Variants in UBR3 observed in about 807,000 individuals in gnomAD.
UBR3 encodes E3 ubiquitin-protein ligase UBR3.
UBR3 carries 85 observed loss-of-function variants against 243.2 expected under a neutral mutation model. The observed-to-expected ratio is 0.35, with a 90% CI of 0.29 to 0.42. The LOEUF is 0.42. Among genes scored for constraint, UBR3 ranks in the 10% least tolerant of loss-of-function variants. The pLI is 1.00. For missense variants in UBR3, 1,686 were observed against 2,300.8 expected, an observed-to-expected ratio of 0.73 and a Z score of 5.47; for synonymous variants, 748 against 799.8, an observed-to-expected ratio of 0.94 and a Z score of 1.09.
intron 1 of UBR3, among the ~76,000 whole-genome samples, chr2:169,871,430 A>C (rs75214884): frequency 5.3e-5 from 8 of 151,532 alleles, no homozygotes; most frequent in Non-Finnish European, 7.4e-5. Flanking sequence ...AAAAAAAAAA[A>C]CAGTTAACTT....
intron 1 of UBR3, among the ~76,000 whole-genome samples, chr2:169,836,039 C>A (rs1443709653): frequency 0.04 from 391 of 9,832 alleles, 8 homozygotes; most frequent in Middle Eastern, 0.071. Context: ...CTCTCTCTCT[C>A]TCTCTATATA....
chr2:169,843,310 C>T (rs1460583717), intron 1 of UBR3, among the ~76,000 whole-genome samples: 2 of 152,192 alleles, frequency 1.3e-5, no homozygotes, highest in Non-Finnish European at 2.9e-5. Flanking sequence ...TGGTGAGGGC[C>T]TTCTGCTGCA....
At chr2:169,943,218 A>G (rs569803105) in intron 20 of UBR3, among the ~76,000 whole-genome samples, 2 of 152,330 alleles carry the variant, frequency 1.3e-5, no homozygotes, top group African/African-American at 4.8e-5. Context: ...GACTAACATT[A>G]ATTGTGTACT....
chr2:169,986,292 A>G (rs2061619), intron 24 of UBR3, among the ~76,000 whole-genome samples: 66,756 of 152,052 alleles, frequency 0.44, 15,797 homozygotes, highest in Non-Finnish European at 0.54. Context: ...CTCAAGGAAA[A>G]TTAAAACAAA....
intron 36 of UBR3, 110 bp from the exon 37 acceptor site, chr2:170,079,704 C>A: frequency 1.0e-6 from 1 of 954,134 alleles, no homozygotes. Context: ...AGAAAATAAG[C>A]CACATTCTTG....
chr2:170,015,134 T>C (rs1354316839), intron 29 of UBR3, 147 bp from the exon 30 acceptor site: 9 of 559,602 alleles, frequency 1.6e-5, no homozygotes, highest in South Asian at 2.7e-5. Context: ...CAGATAAATA[T>C]GATTATTACT....
intron 2 of UBR3, among the ~76,000 whole-genome samples, chr2:169,873,888 T>G (rs1243074610): frequency 1.3e-5 from 2 of 152,266 alleles, no homozygotes; most frequent in East Asian, 3.9e-4. Flanking sequence ...ATTTTAGAAA[T>G]AGAAATTATT....
intron 25 of UBR3, among the ~76,000 whole-genome samples, chr2:169,990,497 A>G (rs1332854424): frequency 6.6e-6 from 1 of 152,156 alleles, no homozygotes; most frequent in Non-Finnish European, 1.5e-5. Flanking sequence ...AATAAAAGAA[A>G]GTAAATCCGG....
Position 169,958,513 on chromosome 2 carries a change from T to C in UBR3, c.3621T>C (p.Thr1207=). 6.2e-7 allele frequency: 1 copy of C among 1,612,800 alleles called. No homozygotes were observed. Among genetic ancestry groups the C allele is most frequent in the African/African-American group, 1.3e-5 (1 of 75,000 alleles). ...FASRQKSFME[T]AMDVDSPEND... is the part of the protein sequence containing the mutation. ...CACGACAGAAAAGCTTTATGGAAAC[T>C]GCAATGGATGTTGGTAAGTCAAAAT... The change falls in exon 24 of 39, where the codon ACT becomes ACC. Residue 1207 remains threonine (T), a synonymous_variant. Coordinates refer to ENST00000272793, the MANE Select transcript of UBR3 (RefSeq NM_172070.4).
chr2:169,985,792 C>G (rs1338436824), intron 24 of UBR3, among the ~76,000 whole-genome samples: 1 of 152,058 alleles, frequency 6.6e-6, no homozygotes, highest in Non-Finnish European at 1.5e-5. Flanking sequence ...GTGTGTATAT[C>G]TGCATGAATT....
At chr2:169,865,666 C>G (rs1354431030) in intron 1 of UBR3, among the ~76,000 whole-genome samples, 1 of 152,122 alleles carries the variant, frequency 6.6e-6, no homozygotes, top group Non-Finnish European at 1.5e-5. Flanking sequence ...TTCTGCTTTC[C>G]AGCTCTCAAT....
intron 25 of UBR3, among the ~76,000 whole-genome samples, chr2:169,991,615 C>T (rs1471664750): frequency 1.3e-5 from 2 of 152,124 alleles, no homozygotes; most frequent in African/African-American, 4.8e-5. Context: ...TGGAGTCTCA[C>T]TCTGTCATGC....
chr2:169,836,063 ATATATTT>A (rs2082098567), intron 1 of UBR3, among the ~76,000 whole-genome samples: 14 of 26,610 alleles, frequency 5.3e-4, no homozygotes, highest in African/African-American at 1.1e-3. Flanking sequence ...ATATATATAT[ATATATTT>A]TTTTTTTTTT....
Position 170,007,144 on chromosome 2 carries a change from T to G in UBR3, c.4184T>G (p.Leu1395Arg). 2 of 1,612,806 alleles carry G rather than the reference T, an allele frequency of 1.2e-6. No homozygotes were observed. Among genetic ancestry groups the G allele is most frequent in the Non-Finnish European group, 1.7e-6 (2 of 1,179,462 alleles). ...CCTAGCAACAAAAGCATACAAGATC[T>G]CATAAAGGAAGTGGAGGAGCTGCAG... is the stretch of plus-strand genomic sequence containing the variant. ...QRPSNKSIQDLIKEVEELQGR... is the reference protein window; with the variant it reads ...QRPSNKSIQDRIKEVEELQGR... Residue 1395 changes from leucine (L) to arginine (R), a missense_variant, in exon 28 of 39, where the codon CTC becomes CGC. Transcript: ENST00000272793.
At chr2:169,864,356 G>C (rs1354204617) in intron 1 of UBR3, among the ~76,000 whole-genome samples, 1 of 152,042 alleles carries the variant, frequency 6.6e-6, no homozygotes, top group Non-Finnish European at 1.5e-5. Context: ...TGAGGACAAG[G>C]CCTCCATATT....
chr2:169,948,684 A>G (rs1220698878), intron 22 of UBR3, among the ~76,000 whole-genome samples: 1 of 152,094 alleles, frequency 6.6e-6, no homozygotes, highest in Non-Finnish European at 1.5e-5. Flanking sequence ...GGTAGAGAGT[A>G]CTTTAAAAAA....
Position 169,872,355 on chromosome 2 carries a change from G to A in UBR3, c.665G>A (p.Arg222Lys). The A allele has an allele frequency of 6.7e-7, 1 of 1,486,700 alleles. No homozygotes were observed. The allele number at this position is 1,486,700 out of a possible 1,614,324, so 92.1% of individuals were successfully genotyped here. ...RFIFCLIQYL[R>K]EGYNEPAADG... ...ATATTTTGTCTTATTCAGTACTTAAGAGAAGGCTATAATGAACCAGGTATG... is the reference window on the plus strand; with the variant it reads ...ATATTTTGTCTTATTCAGTACTTAAAAGAAGGCTATAATGAACCAGGTATG... The change falls in exon 2 of 39, where the codon AGA (arginine) becomes AAA (lysine). Residue 222 changes from arginine to lysine, a missense_variant. Coordinates refer to ENST00000272793, the MANE Select transcript of UBR3 (RefSeq NM_172070.4).
chr2:169,876,449 CAATT>C (rs933285532), intron 3 of UBR3, among the ~76,000 whole-genome samples: 1 of 152,134 alleles, frequency 6.6e-6, no homozygotes, highest in African/African-American at 2.4e-5. Flanking sequence ...TTAAACCTCA[CAATT>C]AATTTATGTT....
intron 1 of UBR3, among the ~76,000 whole-genome samples, chr2:169,861,432 A>G (rs1574068897): frequency 6.6e-6 from 1 of 152,098 alleles, no homozygotes; most frequent in African/African-American, 2.4e-5. Flanking sequence ...ACATGGTGAA[A>G]CCCCGTCTCT....
Sources: gnomAD v4.1 joint callset for allele counts (sites outside exome capture counted in the v4.1 genomes callset) on GRCh38, gnomAD v4.1.1 for gene constraint, MANE v1.5 for transcripts, NCBI Gene and HGNC (gene_info 2026-07-23, HGNC 2026-07-21) for gene names.